ASIC2: variants seen among roughly 807,000 people sequenced by gnomAD.
ASIC2 encodes acid-sensing ion channel 2.
Under a neutral mutation model 57.3 loss-of-function variants are expected in ASIC2, and 25 were observed. That is an observed-to-expected ratio of 0.44 (90% CI 0.32 to 0.61). The LOEUF (loss-of-function observed/expected upper bound fraction) is 0.61. Among genes scored for constraint, ASIC2 ranks in the 20% least tolerant of loss-of-function variants. The probability of loss-of-function intolerance (pLI) is 0.06; values close to 1 mark genes in which losing one functional copy is unlikely to be tolerated. For missense variants in ASIC2, 641 were observed against 738.1 expected, an observed-to-expected ratio of 0.87 and a Z score of 1.52; for synonymous variants, 319 against 307.5, an observed-to-expected ratio of 1.04 and a Z score of -0.39.
intron 1 of ASIC2, among the ~76,000 whole-genome samples, chr17:33,785,719 G>A (rs1911582567): frequency 6.6e-6 from 1 of 152,164 alleles, no homozygotes; most frequent in African/African-American, 2.4e-5. Flanking sequence ...ATGGTCAAAT[G>A]GTCCAATGGT....
chr17:33,979,218 G>C (rs143569855), intron 1 of ASIC2, among the ~76,000 whole-genome samples: 1 of 152,092 alleles, frequency 6.6e-6, no homozygotes, highest in Non-Finnish European at 1.5e-5. Flanking sequence ...TTGGCCTGGC[G>C]TTGTCTTGGG....
intron 1 of ASIC2, among the ~76,000 whole-genome samples, chr17:33,234,882 G>C (rs895487014): frequency 2.6e-5 from 4 of 152,194 alleles, no homozygotes; most frequent in Admixed American, 2.6e-4. Flanking sequence ...ATCTTGGGGA[G>C]GGGGACAACA....
At chr17:34,109,055 A>T (rs922485704) in intron 1 of ASIC2, among the ~76,000 whole-genome samples, 99 of 136,530 alleles carry the variant, frequency 7.3e-4, no homozygotes, top group African/African-American at 2.5e-3. Flanking sequence ...TTTTATTTTT[A>T]TTTTATTTTA....
chr17:33,402,917 T>C (rs571042332), intron 1 of ASIC2, among the ~76,000 whole-genome samples: 2 of 152,308 alleles, frequency 1.3e-5, no homozygotes, highest in Non-Finnish European at 2.9e-5. Flanking sequence ...TGAGATACCA[T>C]CTCATGCCAG....
At chr17:33,413,851 C>T (rs1732069470) in intron 1 of ASIC2, among the ~76,000 whole-genome samples, 1 of 152,234 alleles carries the variant, frequency 6.6e-6, no homozygotes, top group South Asian at 2.1e-4. Context: ...CTGGCACTGG[C>T]CCGGGTTATT....
chr17:33,698,118 A>T (rs916760202), intron 1 of ASIC2, among the ~76,000 whole-genome samples: 4 of 152,342 alleles, frequency 2.6e-5, no homozygotes, highest in Non-Finnish European at 2.9e-5. Context: ...TTTTATATAC[A>T]TTGTTCATTT....
chr17:33,127,914 C>T (rs2092330234), intron 1 of ASIC2, among the ~76,000 whole-genome samples: 1 of 152,190 alleles, frequency 6.6e-6, no homozygotes, highest in Non-Finnish European at 1.5e-5. Context: ...AATCACAAGA[C>T]CTGGGCCCCA....
intron 1 of ASIC2, among the ~76,000 whole-genome samples, chr17:33,525,536 C>T (rs571084803): frequency 2.6e-5 from 4 of 152,296 alleles, no homozygotes; most frequent in African/African-American, 9.6e-5. Context: ...AATTCCAGCT[C>T]GGGCTCACGG....
intron 1 of ASIC2, among the ~76,000 whole-genome samples, chr17:33,544,560 C>G (rs1399709717): frequency 6.6e-6 from 1 of 152,194 alleles, no homozygotes; most frequent in Non-Finnish European, 1.5e-5. Flanking sequence ...GACTCAACAT[C>G]TACCTCATTC....
chr17:34,075,028 G>T (rs1909579456), intron 1 of ASIC2, among the ~76,000 whole-genome samples: 1 of 151,954 alleles, frequency 6.6e-6, no homozygotes, highest in African/African-American at 2.4e-5. Flanking sequence ...CAGGTGATCT[G>T]CCCACCTCGG....
intron 1 of ASIC2, among the ~76,000 whole-genome samples, chr17:33,200,583 T>G (rs1239413683): frequency 1.3e-5 from 2 of 152,232 alleles, no homozygotes; most frequent in Non-Finnish European, 2.9e-5. Context: ...TCCCTGTTAC[T>G]TCCCTTACAT....
chr17:33,245,003 C>G (rs773786945), intron 1 of ASIC2, among the ~76,000 whole-genome samples: 7 of 152,172 alleles, frequency 4.6e-5, no homozygotes, highest in African/African-American at 1.7e-4. Context: ...AACTGGGTCA[C>G]GTGGGGGTGT....
chr17:33,148,136 A>C (rs576878429), intron 1 of ASIC2, among the ~76,000 whole-genome samples: 1 of 152,378 alleles, frequency 6.6e-6, no homozygotes, highest in African/African-American at 2.4e-5. Flanking sequence ...GAGCACAGTT[A>C]GCAAGGTGCT....
chr17:33,237,699 T>C (rs1382704836), intron 1 of ASIC2, among the ~76,000 whole-genome samples: 6 of 152,198 alleles, frequency 3.9e-5, no homozygotes, highest in African/African-American at 1.4e-4. Flanking sequence ...CTACAATAAA[T>C]GCAATGTATC....
intron 1 of ASIC2, among the ~76,000 whole-genome samples, chr17:34,089,881 C>A (rs1910261055): frequency 6.6e-6 from 1 of 152,186 alleles, no homozygotes; most frequent in South Asian, 2.1e-4. Context: ...GTCGTGGCAG[C>A]AGTGTTAATT....
chr17:33,085,987 A>T (rs2092132592), intron 3 of ASIC2, among the ~76,000 whole-genome samples: 1 of 152,222 alleles, frequency 6.6e-6, no homozygotes. Context: ...CTGAGAATAC[A>T]CTTCAAAGCT....
At chr17:33,630,163 C>T (rs1410961282) in intron 1 of ASIC2, among the ~76,000 whole-genome samples, 4 of 152,166 alleles carry the variant, frequency 2.6e-5, no homozygotes, top group Non-Finnish European at 4.4e-5. Flanking sequence ...CTCTGTGGCT[C>T]CCAATCATCT....
chr17:33,806,841 A>G (rs1221784276), intron 1 of ASIC2, among the ~76,000 whole-genome samples: 1 of 152,176 alleles, frequency 6.6e-6, no homozygotes, highest in African/African-American at 2.4e-5. Context: ...AGTTCTGTGC[A>G]AGAAGTTGTG....
chr17:33,849,119 G>T (rs1913692932), intron 1 of ASIC2, among the ~76,000 whole-genome samples: 1 of 152,196 alleles, frequency 6.6e-6, no homozygotes, highest in Non-Finnish European at 1.5e-5. Context: ...CTATACCAGT[G>T]AATAAATGTG....
Sources: allele counts gnomAD v4.1 joint callset (sites outside exome capture counted in the v4.1 genomes callset), GRCh38; gene constraint gnomAD v4.1.1; transcripts MANE v1.5; gene names NCBI Gene and HGNC (gene_info 2026-07-23, HGNC 2026-07-21).